Variants in WDR41 observed in about 807,000 individuals in gnomAD.
The protein encoded by WDR41 is WD repeat-containing protein 41.
In WDR41, 63 loss-of-function variants were observed where a neutral mutation model predicts 69.3. The observed-to-expected ratio is 0.91, with a 90% confidence interval of 0.74 to 1.12. WDR41 has a LOEUF of 1.12. WDR41 is among the 50% of genes most tolerant of loss of function. The pLI is 0.00. For synonymous variants in WDR41, 185 were observed against 192.1 expected, an observed-to-expected ratio of 0.96 and a Z score of 0.31; for missense variants, 543 against 534.5, an observed-to-expected ratio of 1.02 and a Z score of -0.16.
chr5:77,468,476 G>A (rs1351652810), intron 2 of WDR41, among the ~76,000 whole-genome samples: 1 of 152,134 alleles, frequency 6.6e-6, no homozygotes, highest in Non-Finnish European at 1.5e-5. Context: ...ACAGTGGGCT[G>A]AAAACTACAG....
chr5:77,563,155 T>G (rs911912358), intron 1 of WDR41, among the ~76,000 whole-genome samples: 1 of 152,184 alleles, frequency 6.6e-6, no homozygotes, highest in Non-Finnish European at 1.5e-5. Flanking sequence ...TCCAGGTTGA[T>G]GAAATTTTAA....
chr5:77,442,709 G>A (rs900885255), intron 8 of WDR41, among the ~76,000 whole-genome samples: 2 of 151,574 alleles, frequency 1.3e-5, no homozygotes, highest in East Asian at 3.9e-4. Context: ...TGGCTAAAAC[G>A]GTGAAACCCT....
chr5:77,582,905 G>A (rs1157702047), intron 1 of WDR41: 15 of 1,608,638 alleles, frequency 9.3e-6, no homozygotes, highest in East Asian at 4.5e-5. Flanking sequence ...TTGATTGCTC[G>A]ATCTCTTGGT....
intron 8 of WDR41, 85 bp from the exon 9 acceptor site, chr5:77,441,082 G>A (rs2560076): frequency 1.1e-5 from 15 of 1,404,732 alleles, no homozygotes; most frequent in African/African-American, 5.7e-5. Context: ...TAGTAATGCC[G>A]TATAAAACCA....
chr5:77,433,150 T>C lies in WDR41; in HGVS notation c.1365A>G (p.Leu455=). ...LFQKLEENGD[L]YLAV is the part of the protein sequence containing the mutation. The stretch of plus-strand genomic sequence containing the variant: ...ATTCCTTAAACTAGACAGCAAGGTA[T>C]AAGTCACCATTCTCCTCTAATTTTT... Residue 455 remains leucine (L), a synonymous_variant, in exon 13 of 13, where the codon TTA becomes TTG. Transcript: ENST00000296679. The C allele has an allele frequency of 6.2e-7, 1 of 1,613,376 alleles. No individual in the cohort carries two copies. The highest frequency in any genetic ancestry group is 8.5e-7 in the Non-Finnish European group (1 of 1,179,752).
intron 1 of WDR41, among the ~76,000 whole-genome samples, chr5:77,532,906 G>A (rs1742883940): frequency 6.6e-6 from 1 of 152,018 alleles, no homozygotes; most frequent in Admixed American, 6.6e-5. Context: ...TCATGTGGGG[G>A]ATGCTAGCAA....
intron 1 of WDR41, among the ~76,000 whole-genome samples, chr5:77,572,071 A>G (rs1164844628): frequency 6.6e-6 from 1 of 152,052 alleles, no homozygotes; most frequent in Non-Finnish European, 1.5e-5. Context: ...ATCTTGAAAA[A>G]CCAAAGAATA....
At position 77,614,807 on chromosome 5, in the gene WDR41, A is replaced by G. The variant is rs536572458; in HGVS notation, c.42+5672T>C. ...AAAACTTAAAGTATAATAATAATAA[A>G]ATAAAAAAAAAGAAATGTGGAGGAG... is the stretch of plus-strand genomic sequence containing the variant. On this transcript the variant is annotated intron_variant, in intron 1 of 5. Transcript: ENST00000509971. 1.9e-3 allele frequency among the ~76,000 whole-genome samples: 275 copies of G among 145,782 alleles called. 1 individual carries two copies. The highest frequency in any genetic ancestry group is 6.5e-3 in the African/African-American group (262 of 40,430).
chr5:77,504,526 A>G (rs1223992265), intron 1 of WDR41, among the ~76,000 whole-genome samples: 1 of 152,224 alleles, frequency 6.6e-6, no homozygotes, highest in Non-Finnish European at 1.5e-5. Flanking sequence ...TCATTTTAGG[A>G]GGCCAGCATC....
At position 77,464,748 on chromosome 5, in the gene WDR41, A is replaced by C. The variant is rs768539586; in HGVS notation, c.216+13T>G. 2 of 1,613,266 alleles carry C rather than the reference A, an allele frequency of 1.2e-6. No homozygotes were observed. The highest frequency in any genetic ancestry group is 2.7e-5 in the African/African-American group (2 of 75,028). ...TATCTTTATCACACAATCCACACAT[A>C]ATCAATACACACCTGGGCATTCCAC... On this transcript the variant is annotated intron_variant, in intron 3 of 12. Transcript: ENST00000296679.
intron 1 of WDR41, among the ~76,000 whole-genome samples, chr5:77,534,167 AATG>A (rs1175316433): frequency 6.7e-6 from 1 of 148,210 alleles, no homozygotes; most frequent in Non-Finnish European, 1.5e-5. Context: ...TTTAAAAATG[AATG>A]TAGCATTCTT....
chr5:77,592,323 C>T (rs1422413165), intron 1 of WDR41, among the ~76,000 whole-genome samples: 1 of 152,052 alleles, frequency 6.6e-6, no homozygotes, highest in East Asian at 1.9e-4. Context: ...TTTAGTGTAA[C>T]TATGATAATA....
intron 1 of WDR41, chr5:77,499,644 G>A (rs966434005): frequency 6.6e-6 from 1 of 152,138 alleles, no homozygotes; most frequent in Non-Finnish European, 1.5e-5. Flanking sequence ...ATTACGAAAG[G>A]GGGTGGTTTC....
chr5:77,602,252 G>A (rs544334070), intron 1 of WDR41, among the ~76,000 whole-genome samples: 70 of 151,846 alleles, frequency 4.6e-4, no homozygotes, highest in Admixed American at 1.5e-3. Context: ...CGATTCTTCT[G>A]CCTCAGCCTC....
At chr5:77,495,685 A>G (rs762584877), upstream of WDR41, among the ~76,000 whole-genome samples, 1 of 152,046 alleles carries the variant, frequency 6.6e-6, no homozygotes. Context: ...AATCTACCAA[A>G]CATTTAAAGA....
chr5:77,607,773 A>G (rs1430243065), intron 1 of WDR41, among the ~76,000 whole-genome samples: 1 of 152,238 alleles, frequency 6.6e-6, no homozygotes, highest in African/African-American at 2.4e-5. Context: ...GTATATGCTT[A>G]TCTTTAAGTA....
At chr5:77,501,552 G>T (rs1417181893) in intron 1 of WDR41, among the ~76,000 whole-genome samples, 1 of 152,230 alleles carries the variant, frequency 6.6e-6, no homozygotes, top group African/African-American at 2.4e-5. Context: ...TTTGAGCTCT[G>T]AGAACAGACA....
chr5:77,620,069 A>T (rs1441995676), intron 1 of WDR41, among the ~76,000 whole-genome samples: 1 of 152,108 alleles, frequency 6.6e-6, no homozygotes, highest in African/African-American at 2.4e-5. Context: ...ATAAGAAACA[A>T]ATACCCGTGT....
intron 1 of WDR41, among the ~76,000 whole-genome samples, chr5:77,604,166 G>C (rs1006266915): frequency 1.3e-5 from 2 of 152,142 alleles, no homozygotes; most frequent in African/African-American, 4.8e-5. Flanking sequence ...TCTTTAGACA[G>C]TATGGTTATT....
Sources: allele counts gnomAD v4.1 joint callset (sites outside exome capture counted in the v4.1 genomes callset), GRCh38; gene constraint gnomAD v4.1.1; transcripts MANE v1.5; gene names NCBI Gene and HGNC (gene_info 2026-07-23, HGNC 2026-07-21).